Variants in MAP2 observed in about 807,000 individuals in gnomAD.
The protein encoded by MAP2 is microtubule-associated protein 2.
A neutral mutation model predicts 137.6 loss-of-function variants in MAP2; 14 were observed. The ratio of observed to expected loss-of-function variants is 0.10; its 90% confidence interval spans 0.07 to 0.16. The LOEUF (loss-of-function observed/expected upper bound fraction) is 0.16. MAP2 is among the 10% of genes least tolerant of loss of function. The pLI, the probability that MAP2 is intolerant of heterozygous loss-of-function variation, is 1.00. For missense variants in MAP2, 2,088 were observed against 2,191.5 expected (o/e 0.95, Z 0.94); for synonymous variants, 786 against 782.3 (o/e 1.00, Z -0.08).
intron 2 of MAP2, among the ~76,000 whole-genome samples, chr2:209,528,842 ATATATGTGTGTGTG>A (rs1201538043): frequency 9.4e-5 from 14 of 148,376 alleles, no homozygotes; most frequent in Admixed American, 2.7e-4. Context: ...ATGTATGTAT[ATATATGTGTGTGTG>A]TATATGTGTG....
Position 209,511,299 on chromosome 2 carries a change from C to T in MAP2, c.-172+3658C>T, listed in dbSNP as rs950396238. On this transcript the variant is annotated intron_variant, in intron 2 of 15. Transcript: ENST00000682079. Reference sequence around the variant, plus strand: ...CTAACCTTTTATCCTTCCTCTAATGCAGTCAGTACTTAGCATATATATTCC... The same window carrying T: ...CTAACCTTTTATCCTTCCTCTAATGTAGTCAGTACTTAGCATATATATTCC... 2.0e-5 allele frequency among the ~76,000 whole-genome samples: 3 copies of T among 152,198 alleles called. No homozygotes were observed. The East Asian group carries it at 5.8e-4, about 29-fold the overall frequency.
At chr2:209,538,911 A>G (rs2066433889) in intron 2 of MAP2, among the ~76,000 whole-genome samples, 1 of 152,152 alleles carries the variant, frequency 6.6e-6, no homozygotes, top group South Asian at 2.1e-4. Flanking sequence ...GGGAAAAATA[A>G]CCAGTGGTTT....
At chr2:209,607,067 T>G (rs2085019416) in intron 3 of MAP2, among the ~76,000 whole-genome samples, 1 of 152,134 alleles carries the variant, frequency 6.6e-6, no homozygotes. Context: ...ACCACAAAAC[T>G]CATCTACTCA....
At chr2:209,613,253 T>G (rs924125998) in intron 3 of MAP2, among the ~76,000 whole-genome samples, 2 of 80,462 alleles carry the variant, frequency 2.5e-5, no homozygotes, top group Non-Finnish European at 3.9e-5. Context: ...ATTTCTATTT[T>G]TATTTATTTA....
chr2:209,587,636 T>G (rs1298413639), intron 3 of MAP2, among the ~76,000 whole-genome samples: 19 of 152,156 alleles, frequency 1.2e-4, no homozygotes, highest in Admixed American at 1.2e-3. Context: ...ACCTGTTTGA[T>G]TACCCTCACA....
chr2:209,542,108 GGCT>G (rs1323927998), intron 2 of MAP2, among the ~76,000 whole-genome samples: 1 of 152,136 alleles, frequency 6.6e-6, no homozygotes, highest in African/African-American at 2.4e-5. Flanking sequence ...TTGGTCCATG[GGCT>G]GCAAAATGCA....
chr2:209,473,818 T>C (rs1241302418), intron 1 of MAP2, among the ~76,000 whole-genome samples: 1 of 152,184 alleles, frequency 6.6e-6, no homozygotes, highest in Non-Finnish European at 1.5e-5. Flanking sequence ...ACTGTCTTAA[T>C]AGCACCTTAT....
intron 13 of MAP2, among the ~76,000 whole-genome samples, chr2:209,723,080 G>T (rs932262582): frequency 2.0e-4 from 31 of 152,196 alleles, no homozygotes; most frequent in African/African-American, 7.2e-4. Context: ...GAACTCTGAT[G>T]TAGAGCATTC....
At chr2:209,450,939 AATTCT>A (rs1415552873) in intron 1 of MAP2, among the ~76,000 whole-genome samples, 3 of 152,102 alleles carry the variant, frequency 2.0e-5, no homozygotes, top group South Asian at 2.1e-4. Flanking sequence ...TAGAATTTCT[AATTCT>A]ATAATCATTA....
intron 2 of MAP2, among the ~76,000 whole-genome samples, chr2:209,540,523 C>G (rs1195059333): frequency 7.1e-6 from 1 of 140,148 alleles, no homozygotes; most frequent in Non-Finnish European, 1.5e-5. Flanking sequence ...CCCAGCTACT[C>G]AGGAGGCTGA....
intron 1 of MAP2, among the ~76,000 whole-genome samples, chr2:209,501,120 T>A (rs1009083589): frequency 2.0e-5 from 3 of 152,300 alleles, no homozygotes; most frequent in South Asian, 2.1e-4. Context: ...TCCATTTTTT[T>A]AAATATAACT....
intron 12 of MAP2, 58 bp from the exon 13 acceptor site, chr2:209,709,856 A>T: frequency 8.3e-7 from 1 of 1,198,912 alleles, no homozygotes; most frequent in Non-Finnish European, 1.2e-6. Context: ...GGGAAGAGGG[A>T]TGTTTTGAGG....
chr2:209,561,589 A>C (rs1429775622), intron 2 of MAP2, among the ~76,000 whole-genome samples: 1 of 152,246 alleles, frequency 6.6e-6, no homozygotes, highest in African/African-American at 2.4e-5. Context: ...AGTGCTTAAT[A>C]TAGTGTAGGC....
chr2:209,704,096 C>A (rs1419756255), intron 11 of MAP2: 1 of 450,096 alleles, frequency 2.2e-6, no homozygotes, highest in Admixed American at 2.4e-5. Flanking sequence ...AGGAACTTCC[C>A]AATAGGAAGT....
chr2:209,478,927 A>C (rs1047872793), intron 1 of MAP2, among the ~76,000 whole-genome samples: 2 of 152,202 alleles, frequency 1.3e-5, no homozygotes, highest in African/African-American at 4.8e-5. Flanking sequence ...GTTTGAAACA[A>C]CTTTTTTAAA....
At position 209,730,761 on chromosome 2, in the gene MAP2, T is replaced by C. The variant is rs2075681150; in HGVS notation, c.*364T>C. On this transcript the variant is annotated 3_prime_UTR_variant, in exon 16 of 16. Transcript: ENST00000682079. ...TTAAAATCCAAGCTGCTCATTTCAC[T>C]ATTCTGTTTCTGAGTGAGAAGATAA... 1.1e-5 allele frequency: 2 copies of C among 184,918 alleles called. No individual in the cohort carries two copies. The highest frequency in any genetic ancestry group is 4.8e-5 in the African/African-American group (2 of 42,084). 11.5% of individuals were successfully genotyped at this position (184,918 alleles called of 1,614,324 possible).
chr2:209,620,333 A>G (rs1303473868), intron 3 of MAP2, among the ~76,000 whole-genome samples: 1 of 152,222 alleles, frequency 6.6e-6, no homozygotes, highest in Non-Finnish European at 1.5e-5. Flanking sequence ...GAAAGGAGAT[A>G]ATTCTTACTG....
At chr2:209,684,949 C>G (rs1220993756) in intron 7 of MAP2, among the ~76,000 whole-genome samples, 1 of 151,466 alleles carries the variant, frequency 6.6e-6, no homozygotes, top group East Asian at 1.9e-4. Context: ...TACCTGACAA[C>G]TTGTCTGAGT....
intron 1 of MAP2, among the ~76,000 whole-genome samples, chr2:209,498,060 T>G (rs1347652721): frequency 6.6e-6 from 1 of 152,112 alleles, no homozygotes; most frequent in Non-Finnish European, 1.5e-5. Flanking sequence ...GCAAATCCCT[T>G]CAATCTACAA....
Sources: gnomAD v4.1 joint callset for allele counts (sites outside exome capture counted in the v4.1 genomes callset) on GRCh38, gnomAD v4.1.1 for gene constraint, MANE v1.5 for transcripts, NCBI Gene and HGNC (gene_info 2026-07-23, HGNC 2026-07-21) for gene names.